Variants in LINC00632 observed in about 807,000 individuals in gnomAD.
The protein encoded by LINC00632 is long independently transcribed non-coding RNA 632, also known as ALDOA related specific transcript.
Position 140,788,785 on chromosome X carries a change from GTATATTCCATATATACACATATATGTATC to G in LINC00632, n.16833_16861del, listed in dbSNP as rs1279532989. On this transcript the variant is annotated non_coding_transcript_exon_variant, in exon 5 of 5. Transcript: ENST00000648200. The stretch of plus-strand genomic sequence containing the variant: ...TATATACACATATATGTGTATATAT[GTATATTCCATATATACACATATATGTATC>G]TATATTCCATATATACACATATATG... Among the ~76,000 whole-genome samples, 6 of 103,822 alleles carry G rather than the reference GTATATTCCATATATACACATATATGTATC, an allele frequency of 5.8e-5. 1 individual carries two copies. Among genetic ancestry groups the G allele is most frequent in the Admixed American group, 3.1e-4 (3 of 9,591 alleles). The allele number at this position is 103,822 out of a possible 115,157, so 90.2% of individuals were successfully genotyped here.
exon 5 of LINC00632, among the ~76,000 whole-genome samples, chrX:140,777,323 T>C (rs183411696): frequency 6.2e-5 from 7 of 112,378 alleles, no homozygotes; most frequent in African/African-American, 2.3e-4. Flanking sequence ...AAGGGCTTGC[T>C]TGCATGGTTA....
intron 1 of LINC00632, chrX:140,709,834 T>C (rs773873087): frequency 1.2e-4 from 39 of 338,067 alleles, no homozygotes; most frequent in African/African-American, 6.4e-4. Flanking sequence ...TTTTGTAAAA[T>C]AGATATCCAG....
At position 140,772,041 on chromosome X, in the gene LINC00632, G is replaced by A. The variant is rs189311953; in HGVS notation, n.192-37G>A. 95 of 280,641 alleles carry A rather than the reference G, an allele frequency of 3.4e-4. 1 individual carries two copies. The Middle Eastern group carries it at 3.8e-3, about 11-fold the overall frequency. 23.1% of individuals were successfully genotyped at this position (280,641 alleles called of 1,213,427 possible). On this transcript the variant is annotated intron_variant and non_coding_transcript_variant, in intron 3 of 4. Transcript: ENST00000648200. Reference sequence around the variant, plus strand: ...ACTCATTTAGATTGCCTCTGTTCCTGACCTCATTTCCTATTTTTATGTTTG... The same window carrying A: ...ACTCATTTAGATTGCCTCTGTTCCTAACCTCATTTCCTATTTTTATGTTTG...
intron 1 of LINC00632, among the ~76,000 whole-genome samples, chrX:140,710,146 C>T (rs145461955): frequency 3.2e-4 from 36 of 112,085 alleles, no homozygotes; most frequent in Middle Eastern, 9.2e-3. Context: ...TTGTATTTGA[C>T]GTGATGAAAT....
exon 5 of LINC00632, among the ~76,000 whole-genome samples, chrX:140,774,630 C>G (rs755132320): frequency 9.0e-5 from 10 of 111,692 alleles, no homozygotes; most frequent in Non-Finnish European, 1.3e-4. Flanking sequence ...ACTATTGTTA[C>G]GACCAAGCAT....
intron 2 of LINC00632, among the ~76,000 whole-genome samples, chrX:140,733,691 G>GTT (rs1304712121): frequency 7.1e-5 from 8 of 111,908 alleles, no homozygotes; most frequent in Admixed American, 2.9e-4. Context: ...TTTTTGTAAA[G>GTT]GTATTAATAA....
intron 3 of LINC00632, among the ~76,000 whole-genome samples, chrX:140,765,486 TTAAAG>T (rs1931673315): frequency 8.9e-6 from 1 of 112,099 alleles, no homozygotes; most frequent in African/African-American, 3.2e-5. Flanking sequence ...TATAAAATCT[TTAAAG>T]TAACTACAAA....
chrX:140,721,920 G>A (rs188370690), intron 2 of LINC00632, among the ~76,000 whole-genome samples: 99 of 110,662 alleles, frequency 8.9e-4, no homozygotes, highest in African/African-American at 3.1e-3. Context: ...AAAGCACCCA[G>A]ACATGCCCCA....
intron 3 of LINC00632, among the ~76,000 whole-genome samples, chrX:140,758,575 G>A (rs1168360683): frequency 4.5e-5 from 5 of 110,807 alleles, no homozygotes; most frequent in East Asian, 2.8e-4. Flanking sequence ...ACAGGGTTTC[G>A]CCGTGTTGGC....
exon 5 of LINC00632, among the ~76,000 whole-genome samples, chrX:140,785,032 T>C: frequency 9.0e-6 from 1 of 111,251 alleles, no homozygotes; most frequent in South Asian, 3.8e-4. Flanking sequence ...CAGTTTACTA[T>C]GTTTAGGTCT....
At chrX:140,787,871 C>A (rs1215407492) in exon 5 of LINC00632, among the ~76,000 whole-genome samples, 1 of 108,209 alleles carries the variant, frequency 9.2e-6, no homozygotes, top group Non-Finnish European at 1.9e-5. Context: ...AGAAGATACA[C>A]ACTAAAATGT....
In LINC00632 at chrX:140,775,515, A is replaced by C. The variant is rs976236939; in HGVS notation, n.3534A>C. On this transcript the variant is annotated non_coding_transcript_exon_variant, in exon 5 of 5. Coordinates refer to ENST00000648200, the Ensembl canonical transcript of LINC00632. ...CCATTTTGAACTCAGTTGGACAGTT[A>C]TTCTGGGGAATAGAGAGGAAGTCCA... 6.2e-5 allele frequency among the ~76,000 whole-genome samples: 7 copies of C among 112,168 alleles called. No individual in the cohort carries two copies. In the East Asian group the frequency reaches 1.7e-3, roughly 27 times the overall value.
exon 5 of LINC00632, among the ~76,000 whole-genome samples, chrX:140,790,773 C>T (rs777725355): frequency 5.4e-5 from 6 of 110,995 alleles, no homozygotes; most frequent in East Asian, 5.7e-4. Context: ...ATTCCTCTTA[C>T]GTGAATGATA....
At chrX:140,722,881 C>G (rs1283096499) in intron 2 of LINC00632, among the ~76,000 whole-genome samples, 2 of 110,422 alleles carry the variant, frequency 1.8e-5, no homozygotes, top group Non-Finnish European at 3.8e-5. Context: ...GAAACCCCGT[C>G]TCTACTAAAA....
exon 5 of LINC00632, among the ~76,000 whole-genome samples, chrX:140,788,666 A>T (rs1932053912): frequency 1.8e-5 from 2 of 109,251 alleles, no homozygotes. Flanking sequence ...ATATGTTGAA[A>T]ATACATAACA....
intron 3 of LINC00632, among the ~76,000 whole-genome samples, chrX:140,744,567 T>TTGG (rs1556024293): frequency 2.7e-4 from 5 of 18,213 alleles, no homozygotes; most frequent in African/African-American, 9.4e-4. Flanking sequence ...AGCTTTTTTT[T>TTGG]GGGGGGGGGG....
At chrX:140,783,626 CCAGT>C (rs1931966782) in exon 5 of LINC00632, 1 of 1,208,348 alleles carries the variant, frequency 8.3e-7, no homozygotes, top group Non-Finnish European at 1.1e-6. Context: ...TCCAGGTCTT[CCAGT>C]CAATCAGTGT....
chrX:140,728,445 C>T (rs1931002147), intron 2 of LINC00632, among the ~76,000 whole-genome samples: 2 of 109,266 alleles, frequency 1.8e-5, no homozygotes, highest in African/African-American at 6.7e-5. Flanking sequence ...CCACAAAAAA[C>T]CATGTGCCCC....
At chrX:140,790,507 A>G (rs1018285649) in exon 5 of LINC00632, among the ~76,000 whole-genome samples, 6 of 110,555 alleles carry the variant, frequency 5.4e-5, no homozygotes, top group Admixed American at 4.9e-4. Flanking sequence ...CTACATTATT[A>G]TTTTTTTCAG....
Sources: gnomAD v4.1 joint callset for allele counts (sites outside exome capture counted in the v4.1 genomes callset) on GRCh38, gnomAD v4.1.1 for gene constraint, MANE v1.5 for transcripts, NCBI Gene and HGNC (gene_info 2026-07-23, HGNC 2026-07-21) for gene names.